NAV2: variants seen among roughly 807,000 people sequenced by gnomAD.
NAV2 encodes the protein neuron navigator 2.
Under a neutral mutation model 223.2 loss-of-function variants are expected in NAV2, and 54 were observed. That is an observed-to-expected ratio of 0.24 (90% CI 0.19 to 0.30). The LOEUF is 0.30. NAV2 is among the 10% of genes least tolerant of loss of function. The probability of loss-of-function intolerance (pLI) is 1.00; values close to 1 mark genes in which losing one functional copy is unlikely to be tolerated. For synonymous variants in NAV2, 1,279 were observed against 1,239.3 expected (o/e 1.03, Z -0.67); for missense variants, 2,806 against 3,147.5 (o/e 0.89, Z 2.60).
chr11:19,506,011 G>A (rs1053731678), intron 1 of NAV2: 1 of 152,262 alleles, frequency 6.6e-6, no homozygotes, highest in Non-Finnish European at 1.5e-5. Flanking sequence ...TGACACGTGG[G>A]ATTCAGCTGG....
intron 1 of NAV2, among the ~76,000 whole-genome samples, chr11:19,467,001 A>G (rs1208022314): frequency 3.9e-5 from 5 of 128,412 alleles, no homozygotes; most frequent in Non-Finnish European, 8.6e-5. Flanking sequence ...ACACACACAC[A>G]CACACACACA....
At chr11:19,886,706 C>T (rs995840368) in intron 5 of NAV2, among the ~76,000 whole-genome samples, 13 of 152,240 alleles carry the variant, frequency 8.5e-5, no homozygotes, top group African/African-American at 2.9e-4. Flanking sequence ...AAGCACATGC[C>T]CATCCCGTGA....
At chr11:19,529,062 GCACA>G (rs150148924) in intron 1 of NAV2, among the ~76,000 whole-genome samples, 2 of 150,696 alleles carry the variant, frequency 1.3e-5, no homozygotes, top group Admixed American at 6.6e-5. Context: ...GCACGTGCGT[GCACA>G]CACACACACA....
intron 11 of NAV2, among the ~76,000 whole-genome samples, chr11:19,999,099 C>CA (rs1292329408): frequency 6.6e-6 from 1 of 152,222 alleles, no homozygotes; most frequent in Non-Finnish European, 1.5e-5. Context: ...CTTCTGGTGC[C>CA]AACCAACCAG....
At chr11:19,801,189 C>CT (rs1274596604) in intron 1 of NAV2, among the ~76,000 whole-genome samples, 1 of 152,198 alleles carries the variant, frequency 6.6e-6, no homozygotes, top group East Asian at 1.9e-4. Context: ...TTTTTACTGT[C>CT]TGTGACTTAG....
chr11:19,538,043 C>T (rs2044237600), intron 1 of NAV2, among the ~76,000 whole-genome samples: 1 of 152,198 alleles, frequency 6.6e-6, no homozygotes, highest in Non-Finnish European at 1.5e-5. Flanking sequence ...GTTCCTTACT[C>T]ACAGTTTCTT....
intron 3 of NAV2, among the ~76,000 whole-genome samples, chr11:19,846,641 A>G (rs1218838867): frequency 6.6e-6 from 1 of 152,200 alleles, no homozygotes; most frequent in Non-Finnish European, 1.5e-5. Flanking sequence ...AGCCCATCAC[A>G]CATTCAGTCC....
rs184103708 is a variant in NAV2, at chr11:19,825,597, T to A, written c.268-6887T>A. Among the ~76,000 whole-genome samples the A allele has an allele frequency of 3.5e-3, 529 of 152,348 alleles. 3 individuals carry two copies. The highest frequency in any genetic ancestry group is 0.017 in the Middle Eastern group (5 of 294). On this transcript the variant is annotated intron_variant, in intron 1 of 37. Transcript: ENST00000349880. ...TATAGTTTGGTAGCTAAGGCTCCATTCTAGCACTTTCAGTGCAGTTGTTTT... is the reference window on the plus strand; with the variant it reads ...TATAGTTTGGTAGCTAAGGCTCCATACTAGCACTTTCAGTGCAGTTGTTTT...
intron 6 of NAV2, among the ~76,000 whole-genome samples, chr11:19,898,439 CG>C (rs1344593177): frequency 3.3e-5 from 5 of 152,230 alleles, no homozygotes; most frequent in Non-Finnish European, 7.4e-5. Flanking sequence ...GCTCTGTACC[CG>C]TACACACATT....
chr11:19,688,650 A>T (rs144828167), intron 1 of NAV2, among the ~76,000 whole-genome samples: 16 of 152,338 alleles, frequency 1.1e-4, no homozygotes, highest in African/African-American at 3.8e-4. Context: ...TGCTCTGTGC[A>T]CCAGTCACTC....
chr11:19,359,628 C>T (rs911771822), intron 1 of NAV2, among the ~76,000 whole-genome samples: 16 of 152,302 alleles, frequency 1.1e-4, no homozygotes, highest in African/African-American at 3.8e-4. Context: ...GAAATAGAAA[C>T]AAATGACGTC....
chr11:19,448,845 A>G (rs568918490), intron 1 of NAV2, among the ~76,000 whole-genome samples: 1 of 152,326 alleles, frequency 6.6e-6, no homozygotes, highest in South Asian at 2.1e-4. Context: ...ACTCTTTGGC[A>G]ATGAAGTTAT....
At chr11:19,468,560 A>G (rs1230563281) in intron 1 of NAV2, among the ~76,000 whole-genome samples, 1 of 152,202 alleles carries the variant, frequency 6.6e-6, no homozygotes, top group East Asian at 1.9e-4. Flanking sequence ...TCACTCATTA[A>G]GAGTCCTCTC....
chr11:19,346,468 C>T (rs1333776206), upstream of NAV2, among the ~76,000 whole-genome samples: 1 of 152,220 alleles, frequency 6.6e-6, no homozygotes, highest in South Asian at 2.1e-4. Flanking sequence ...GAGGGGGCGC[C>T]CGAGCACTGG....
rs557047073 is a variant in NAV2 at position 19,977,130 on chromosome 11, C to T, written c.2646-6995C>T. Among the ~76,000 whole-genome samples, 43 of 152,284 alleles carry T rather than the reference C, an allele frequency of 2.8e-4. No individual in the cohort carries two copies. In the South Asian group the frequency reaches 4.8e-3, roughly 17 times the overall value. ...CACATTTCCCACTGGCCTCTGTCAG[C>T]GGTTGTTGGAAGCATTCCCCCAAAG... On this transcript the variant is annotated intron_variant, in intron 10 of 37. Coordinates refer to ENST00000349880, the MANE Select transcript of NAV2 (RefSeq NM_145117.5).
At chr11:19,354,071 T>G (rs1203864903) in intron 1 of NAV2, among the ~76,000 whole-genome samples, 5 of 152,228 alleles carry the variant, frequency 3.3e-5, no homozygotes, top group Non-Finnish European at 7.3e-5. Context: ...AGATGTATAT[T>G]TAGGATGTTT....
At chr11:19,864,494 G>T (rs1165861839) in intron 3 of NAV2, among the ~76,000 whole-genome samples, 1 of 152,186 alleles carries the variant, frequency 6.6e-6, no homozygotes, top group Non-Finnish European at 1.5e-5. Flanking sequence ...CCTTAATCAT[G>T]ATTGAAATGC....
intron 1 of NAV2, among the ~76,000 whole-genome samples, chr11:19,494,434 G>T (rs1330007841): frequency 6.6e-6 from 1 of 152,182 alleles, no homozygotes; most frequent in African/African-American, 2.4e-5. Context: ...TGTGCTCTTT[G>T]TTAGGAAAGG....
intron 1 of NAV2, among the ~76,000 whole-genome samples, chr11:19,406,639 C>G (rs1417672012): frequency 6.6e-6 from 1 of 152,086 alleles, no homozygotes; most frequent in Non-Finnish European, 1.5e-5. Flanking sequence ...TCCCCTCATC[C>G]AGCCTTCTTT....
Sources: allele counts gnomAD v4.1 joint callset (sites outside exome capture counted in the v4.1 genomes callset), GRCh38; gene constraint gnomAD v4.1.1; transcripts MANE v1.5; gene names NCBI Gene and HGNC (gene_info 2026-07-23, HGNC 2026-07-21).